The following NFASC variants were observed in gnomAD, a reference collection of about 807,000 sequenced individuals.
NFASC encodes neurofascin.
A neutral mutation model predicts 147.5 loss-of-function variants in NFASC; 43 were observed. The ratio of observed to expected loss-of-function variants is 0.29; its 90% confidence interval spans 0.23 to 0.38. The LOEUF (loss-of-function observed/expected upper bound fraction) is 0.38, where lower values mean the gene tolerates loss of function less well. Ranked by LOEUF, NFASC falls within the 10% of genes least tolerant of loss-of-function variation. The pLI, the probability that NFASC is intolerant of heterozygous loss-of-function variation, is 1.00. For synonymous variants in NFASC, 622 were observed against 665.5 expected (o/e 0.93, Z 1.01); for missense variants, 1,320 against 1,689.0 (o/e 0.78, Z 3.83).
intron 2 of NFASC, chr1:204,929,429 T>C (rs2092119630): frequency 6.6e-6 from 1 of 152,304 alleles, no homozygotes; most frequent in Admixed American, 6.5e-5. Flanking sequence ...CAATGACTGG[T>C]TGACCCCACA....
At chr1:205,009,871 A>T (rs1232336065) in intron 28 of NFASC, 183 bp downstream of exon 28, 6 of 667,708 alleles carry the variant, frequency 9.0e-6, no homozygotes, top group Non-Finnish European at 1.5e-5. Flanking sequence ...GAGTTAATTA[A>T]GTTCGCCTGA....
At chr1:204,973,993 C>T (rs2802807) in intron 12 of NFASC, among the ~76,000 whole-genome samples, 186 bp from the exon 13 acceptor site, 140,457 of 152,156 alleles carry the variant, frequency 0.92, 65,661 homozygotes, top group East Asian at 0.99. Context: ...GGGCAGAGGA[C>T]GTAGTAAGCT....
intron 1 of NFASC, among the ~76,000 whole-genome samples, chr1:204,899,221 C>T (rs1451122459): frequency 6.6e-6 from 1 of 152,272 alleles, no homozygotes; most frequent in Non-Finnish European, 1.5e-5. Context: ...TGACAATCTG[C>T]TTCTTCTTGC....
At chr1:204,877,881 A>G (rs2079359838) in intron 1 of NFASC, among the ~76,000 whole-genome samples, 1 of 152,148 alleles carries the variant, frequency 6.6e-6, no homozygotes. Context: ...AGTGGAATGC[A>G]TTTCTGCTCC....
At chr1:204,935,524 G>A (rs1485346752) in intron 2 of NFASC, among the ~76,000 whole-genome samples, 1 of 152,190 alleles carries the variant, frequency 6.6e-6, no homozygotes, top group African/African-American at 2.4e-5. Flanking sequence ...TGAGTAGAAA[G>A]TGGCAGCAAG....
chr1:204,958,520 G>T (rs1243638988), intron 8 of NFASC, among the ~76,000 whole-genome samples: 1 of 152,168 alleles, frequency 6.6e-6, no homozygotes, highest in Non-Finnish European at 1.5e-5. Flanking sequence ...AGAGAGAGAA[G>T]CTTAGTCAGA....
At chr1:205,011,209 C>T (rs941406054) in intron 28 of NFASC, among the ~76,000 whole-genome samples, 23 of 151,338 alleles carry the variant, frequency 1.5e-4, no homozygotes, top group Admixed American at 1.3e-3. Context: ...CCCCCAGGAC[C>T]CCCCCCAAAA....
intron 2 of NFASC, among the ~76,000 whole-genome samples, chr1:204,922,448 G>C (rs945939615): frequency 6.6e-6 from 1 of 152,150 alleles, no homozygotes; most frequent in African/African-American, 2.4e-5. Context: ...TCGAATATCG[G>C]TTCTGAGCTT....
rs1390758755 is a variant in NFASC, at chr1:205,021,100, A to G, written c.*4561A>G. 1.3e-5 allele frequency: 2 copies of G among 152,302 alleles called. No homozygotes were observed. The highest frequency in any genetic ancestry group is 2.4e-5 in the African/African-American group (1 of 41,460). 9.4% of individuals were successfully genotyped at this position (152,302 alleles called of 1,614,324 possible). ...AGAGGAGACCAAGGCCCTGGGAGGCATAGGCAAGCCGGGCAGAGTCAGACC... is the reference window on the plus strand; with the variant it reads ...AGAGGAGACCAAGGCCCTGGGAGGCGTAGGCAAGCCGGGCAGAGTCAGACC... On this transcript the variant is annotated 3_prime_UTR_variant, in exon 30 of 30. Coordinates refer to ENST00000339876, the MANE Select transcript of NFASC (RefSeq NM_001005388.3).
At chr1:204,920,295 T>G (rs1299753868) in intron 1 of NFASC, among the ~76,000 whole-genome samples, 2 of 152,154 alleles carry the variant, frequency 1.3e-5, no homozygotes, top group Non-Finnish European at 2.9e-5. Context: ...TCTCCCCTGG[T>G]GGAGGAGAGA....
At chr1:204,932,281 T>A (rs1573257363) in intron 2 of NFASC, among the ~76,000 whole-genome samples, 1 of 152,222 alleles carries the variant, frequency 6.6e-6, no homozygotes, top group East Asian at 1.9e-4. Context: ...ATAACAACCA[T>A]CTGAAAAAGT....
chr1:204,975,394 A>T lies in NFASC; in HGVS notation c.1682A>T (p.Asp561Val). The T allele has an allele frequency of 6.2e-7, 1 of 1,614,028 alleles. No homozygotes were observed. Residue 561 changes from aspartate (D) to valine (V), a missense_variant, in exon 15 of 30, where the codon GAC becomes GTC. Coordinates refer to ENST00000339876, the MANE Select transcript of NFASC (RefSeq NM_001005388.3). The surrounding 1 kb of genome is among the most constrained non-coding windows in gnomAD (Gnocchi z 4.0). Reference sequence around the variant, plus strand: ...CTCACCGTCTCCTGGCTGAAGGATGACGAGCCGCTCTATATTGGAAACAGG... The same window carrying T: ...CTCACCGTCTCCTGGCTGAAGGATGTCGAGCCGCTCTATATTGGAAACAGG... ...LKLTVSWLKDDEPLYIGNRMK... is the reference protein window; with the variant it reads ...LKLTVSWLKDVEPLYIGNRMK...
At position 204,974,739 on chromosome 1, in the gene NFASC, C is replaced by T. The variant is rs531423904; in HGVS notation, c.1474C>T (p.Arg492Cys). 21 of 1,613,864 alleles carry T rather than the reference C, an allele frequency of 1.3e-5. No individual in the cohort carries two copies. The highest frequency in any genetic ancestry group is 6.6e-5 in the South Asian group (6 of 91,070). The change falls in exon 14 of 30, where the codon CGC becomes TGC. Residue 492 changes from arginine (R) to cysteine (C), a missense_variant. Arg to Cys is a radical substitution (Grantham distance 180). Around this residue, in one of 3 missense-constraint regions of NFASC, gnomAD observed 981 missense variants for 1,289.5 expected, o/e 0.76. Transcript: ENST00000339876. Reference sequence around the variant, plus strand: ...CGGCAGTCTGGAAATTAAGATGATCCGCAAAGAGGACCAGGGCATCTACAC... The same window carrying T: ...CGGCAGTCTGGAAATTAAGATGATCTGCAAAGAGGACCAGGGCATCTACAC... ...ENGSLEIKMI[R>C]KEDQGIYTCV...
chr1:204,944,156 C>G lies in NFASC; in HGVS notation c.-90-70C>G, dbSNP rs994254963. 5 of 1,408,456 alleles carry G rather than the reference C, an allele frequency of 3.5e-6. No homozygotes were observed. In the African/African-American group the frequency reaches 5.7e-5, roughly 16 times the overall value. 87.2% of individuals were successfully genotyped at this position (1,408,456 alleles called of 1,614,324 possible). ...AAGGGGGCTCTTCGGTCCTCCAAAG[C>G]CCTGTAGGATTGCTAGAGCAAACCA... On this transcript the variant is annotated intron_variant, in intron 2 of 29. Transcript: ENST00000339876.
At chr1:204,944,518 G>T in intron 3 of NFASC, 112 bp downstream of exon 3, 1 of 822,198 alleles carries the variant, frequency 1.2e-6, no homozygotes, top group South Asian at 1.9e-5. Flanking sequence ...TGAGGAGAGG[G>T]GACGCAGTGG....
intron 1 of NFASC, among the ~76,000 whole-genome samples, chr1:204,885,021 A>G (rs1306845052): frequency 2.6e-5 from 4 of 152,144 alleles, no homozygotes; most frequent in African/African-American, 9.7e-5. Flanking sequence ...CAGTACTTTA[A>G]GAGGCTGAGG....
chr1:204,857,923 T>C (rs2076305361), intron 1 of NFASC, among the ~76,000 whole-genome samples: 4 of 147,714 alleles, frequency 2.7e-5, no homozygotes, highest in Non-Finnish European at 6.0e-5. Flanking sequence ...CTTCTTCTTT[T>C]TTTTTTTTTT....
At position 204,979,370 on chromosome 1, in the gene NFASC, G is replaced by A. The variant is rs148589226; in HGVS notation, c.1987G>A (p.Val663Ile). The change falls in exon 19 of 30, where the codon GTC becomes ATC. Residue 663 changes from valine to isoleucine, a missense_variant. Val to Ile is a conservative substitution (Grantham distance 29). This residue lies in a region of NFASC where 981 missense variants were observed against 1,289.5 expected (regional missense o/e 0.76). Transcript: ENST00000339876. The surrounding 1 kb of genome is among the most constrained non-coding windows in gnomAD (Gnocchi z 6.0). ...TTTCCTTGCCCACTCAGACTACGTC[G>A]TCCAGTTTGAAGAAGACCAGTTCCA... Reference protein sequence around the residue: ...ANNSPITDYVVQFEEDQFQPG... With the variant: ...ANNSPITDYVIQFEEDQFQPG... The A allele has an allele frequency of 7.4e-5, 119 of 1,613,774 alleles. No individual in the cohort carries two copies. Among genetic ancestry groups the A allele is most frequent in the Admixed American group, 4.3e-4 (26 of 59,994 alleles).
In NFASC at chr1:204,931,284, C is replaced by T. The variant is rs1435541956; in HGVS notation, c.-91+10544C>T. Among the ~76,000 whole-genome samples the T allele has an allele frequency of 3.3e-5, 5 of 152,202 alleles. No individual in the cohort carries two copies. In the East Asian group the frequency reaches 9.6e-4, roughly 29 times the overall value. The stretch of plus-strand genomic sequence containing the variant: ...ATAAATCTGAGCTCTTTTCAGATCT[C>T]CCGTGTACCCACATGCATACTCCTT... On this transcript the variant is annotated intron_variant, in intron 2 of 29. Coordinates refer to ENST00000339876, the MANE Select transcript of NFASC (RefSeq NM_001005388.3).
Sources: gnomAD v4.1 joint callset for allele counts (sites outside exome capture counted in the v4.1 genomes callset) on GRCh38, gnomAD v4.1.1 for gene constraint, gnomAD v4.1.1 regional missense constraint, Gnocchi (gnomAD v3.1) non-coding constraint, MANE v1.5 for transcripts, NCBI Gene and HGNC (gene_info 2026-07-23, HGNC 2026-07-21) for gene names.